Variants in MEFV observed in about 807,000 individuals in gnomAD.
MEFV encodes the protein pyrin.
A neutral mutation model predicts 62.5 loss-of-function variants in MEFV; 60 were observed. The observed-to-expected ratio is 0.96, with a 90% CI of 0.78 to 1.19. The LOEUF is 1.19. MEFV is among the 50% of genes most tolerant of loss of function. The pLI, the probability that MEFV is intolerant of heterozygous loss-of-function variation, is 0.00. For missense variants in MEFV, 1,169 were observed against 1,004.5 expected (o/e 1.16, Z -2.21); for synonymous variants, 500 against 415.2 (o/e 1.20, Z -2.48).
intron 6 of MEFV, among the ~76,000 whole-genome samples, chr16:3,245,642 A>AGAGAG (rs553089553): frequency 6.6e-6 from 1 of 151,324 alleles, no homozygotes; most frequent in Admixed American, 6.6e-5. Context: ...TTCAAAAAAA[A>AGAGAG]AGAGAGAGAG....
intron 2 of MEFV, chr16:3,251,894 T>C (rs1360682187): frequency 7.6e-6 from 2 of 262,812 alleles, no homozygotes; most frequent in Non-Finnish European, 8.2e-6. Context: ...GAAGCGGCCC[T>C]AGAAGACACC....
At chr16:3,246,441 T>TC in intron 6 of MEFV, 84 bp downstream of exon 6, 5 of 1,515,294 alleles carry the variant, frequency 3.3e-6, no homozygotes, top group Non-Finnish European at 3.7e-6. Flanking sequence ...TGGGAACATC[T>TC]CCCTCCCAGG....
Position 3,247,112 on chromosome 16 carries a change from T to C in MEFV, c.1491A>G (p.Ala497=), listed in dbSNP as rs1447199473. ...VGQMVGQIRK[A]YDTRVSQDIA... Reference sequence around the variant, plus strand: ...TGTCCTGGGATACGCGGGTGTCATATGCCTTCCTGATCTGCCCAACCATCT... The same window carrying C: ...TGTCCTGGGATACGCGGGTGTCATACGCCTTCCTGATCTGCCCAACCATCT... The change falls in exon 5 of 10, where the codon GCA becomes GCG. Residue 497 remains alanine (A), a synonymous_variant. Transcript: ENST00000219596. 5.6e-6 allele frequency: 9 copies of C among 1,614,226 alleles called. No individual in the cohort carries two copies. The highest frequency in any genetic ancestry group is 7.6e-6 in the Non-Finnish European group (9 of 1,180,048).
At chr16:3,246,007 G>T (rs541675828) in intron 6 of MEFV, among the ~76,000 whole-genome samples, 1 of 152,290 alleles carries the variant, frequency 6.6e-6, no homozygotes, top group East Asian at 1.9e-4. Context: ...TCTGATACAC[G>T]TTACAACACG....
chr16:3,243,759 A>C (rs1310905281), intron 9 of MEFV, 65 bp from the exon 10 acceptor site: 5 of 1,609,002 alleles, frequency 3.1e-6, no homozygotes, highest in Non-Finnish European at 4.3e-6. Context: ...GGTTCTCCCC[A>C]CCTGCAGGAA....
At chr16:3,248,219 A>C (rs1427353142) in intron 4 of MEFV, among the ~76,000 whole-genome samples, 4 of 151,916 alleles carry the variant, frequency 2.6e-5, no homozygotes, top group African/African-American at 9.7e-5. Context: ...AGATCGTGCC[A>C]CTGTACTCCA....
rs1462255780 is a variant in MEFV, at chr16:3,249,605, C to T, written c.1086G>A (p.Lys362=). Residue 362 remains lysine (K), a synonymous_variant, in exon 3 of 10, where the codon AAG becomes AAA. Transcript: ENST00000219596. Reference sequence around the variant, plus strand: ...GCTGGGGGCTTAGGCTTCCCGGGCTCTTCCTTTCATGGGAGTCCTGGCACC... The same window carrying T: ...GCTGGGGGCTTAGGCTTCCCGGGCTTTTCCTTTCATGGGAGTCCTGGCACC... ...CPRCQDSHER[K]SPGSLSPQPL... is the part of the protein sequence containing the mutation. The T allele has an allele frequency of 6.2e-7, 1 of 1,614,176 alleles. No individual in the cohort carries two copies. Among genetic ancestry groups the T allele is most frequent in the African/African-American group, 1.3e-5 (1 of 75,068 alleles).
rs764300728 is a variant in MEFV, at chr16:3,248,895, AC to A, written c.1356+13del. The A allele has an allele frequency of 1.2e-6, 2 of 1,613,738 alleles. No individual in the cohort carries two copies. Among genetic ancestry groups the A allele is most frequent in the South Asian group, 2.2e-5 (2 of 91,074 alleles). ...CCCAGGGACGGATGGGCCATCAGCCACCTCTGACCTTACCAGAAAGCTCACT... is the reference window on the plus strand; with the variant it reads ...CCCAGGGACGGATGGGCCATCAGCCACTCTGACCTTACCAGAAAGCTCACT... On this transcript the variant is annotated intron_variant, in intron 4 of 9. Coordinates refer to ENST00000219596, the MANE Select transcript of MEFV (RefSeq NM_000243.3).
Position 3,254,333 on chromosome 16 carries a change from G to C in MEFV, c.735C>G (p.Val245=). The change falls in exon 2 of 10, where the codon GTC becomes GTG. Residue 245 remains valine (V), a synonymous_variant. Transcript: ENST00000219596. The stretch of plus-strand genomic sequence containing the variant: ...GCGCCTTCTCCCCTGTAGAAATGGT[G>C]ACCTCAAGGCTTCTAGGTCGCATCT... ...SGKMRPRSLE[V]TISTGEKAPA... is the part of the protein sequence containing the mutation. 1 of 1,614,216 alleles carries C rather than the reference G, an allele frequency of 6.2e-7. No homozygotes were observed. Among genetic ancestry groups the C allele is most frequent in the Non-Finnish European group, 8.5e-7 (1 of 1,180,034 alleles).
At position 3,249,457 on chromosome 16, in the gene MEFV, T is replaced by C. The variant is rs1434076108; in HGVS notation, c.1234A>G (p.Ile412Val). 2.5e-6 allele frequency: 4 copies of C among 1,614,012 alleles called. 1 individual carries two copies. In the Admixed American group the frequency reaches 6.7e-5, roughly 27 times the overall value. Residue 412 changes from isoleucine to valine, a missense_variant, in exon 3 of 10, where the codon ATT becomes GTT. Physicochemically the swap from Ile to Val is conservative, Grantham distance 29. Transcript: ENST00000219596. ...QEHQGHRVRPIEEVALEHKKK... is the reference protein window; with the variant it reads ...QEHQGHRVRPVEEVALEHKKK... ...TTGTGTTCCAGGGCGACCTCCTCAA[T>C]GGGGCGCACCCGGTGGCCTTGGTGC...
chr16:3,243,321 C>T lies in MEFV; in HGVS notation c.2166G>A (p.Val722=), dbSNP rs762351424. The part of the protein sequence containing the change: ...KEPPKRVGIF[V]DYRVGSISFY... ...AGGAGATGCTTCCAACTCTGTAGTCCACGAAGATGCCCACACGCTTGGGAG... is the reference window on the plus strand; with the variant it reads ...AGGAGATGCTTCCAACTCTGTAGTCTACGAAGATGCCCACACGCTTGGGAG... The change falls in exon 10 of 10, where the codon GTG becomes GTA. Residue 722 remains valine, a synonymous_variant. Coordinates refer to ENST00000219596, the MANE Select transcript of MEFV (RefSeq NM_000243.3). 19 of 1,614,048 alleles carry T rather than the reference C, an allele frequency of 1.2e-5. No homozygotes were observed. The Middle Eastern group carries it at 4.9e-4, about 42-fold the overall frequency.
intron 8 of MEFV, 31 bp from the exon 9 acceptor site, chr16:3,243,923 T>C (rs931210912): frequency 1.2e-6 from 2 of 1,612,976 alleles, no homozygotes; most frequent in African/African-American, 2.7e-5. Flanking sequence ...GGGAAAAAAA[T>C]CCTGAGCATT....
chr16:3,256,336 C>G lies in MEFV; in HGVS notation c.252G>C (p.Glu84Asp), dbSNP rs1346006078. ...LRAINQRLLA[E>D]ELHRAAIQEY... ...CCTGAATGGCTGCCCTGTGGAGCTCCTCGGCCAGCAGGCGCTGGTTGATGG... is the reference window on the plus strand; with the variant it reads ...CCTGAATGGCTGCCCTGTGGAGCTCGTCGGCCAGCAGGCGCTGGTTGATGG... The change falls in exon 1 of 10, where the codon GAG becomes GAC. Residue 84 changes from glutamate (E) to aspartate (D), a missense_variant. Coordinates refer to ENST00000219596, the MANE Select transcript of MEFV (RefSeq NM_000243.3). 4 of 1,613,812 alleles carry G rather than the reference C, an allele frequency of 2.5e-6. No individual in the cohort carries two copies. Among genetic ancestry groups the G allele is most frequent in the Non-Finnish European group, 3.4e-6 (4 of 1,180,012 alleles).
chr16:3,243,863 C>T lies in MEFV; in HGVS notation c.1789G>A (p.Ala597Thr). 6.2e-7 allele frequency: 1 copy of T among 1,613,868 alleles called. No individual in the cohort carries two copies. The highest frequency in any genetic ancestry group is 8.5e-7 in the Non-Finnish European group (1 of 1,179,916). The change falls in exon 9 of 10, where the codon GCT becomes ACT. Residue 597 changes from alanine to threonine, a missense_variant. Transcript: ENST00000219596. ...TTGCCTTGATCTGGGCACTTACCAG[C>T]ATGTGCCTGAGCGCCAATCAGCTCC... ...VPELIGAQAH[A>T]VNVILDAETA...
chr16:3,255,529 T>C (rs986718909), intron 1 of MEFV, among the ~76,000 whole-genome samples: 23 of 151,954 alleles, frequency 1.5e-4, no homozygotes, highest in Middle Eastern at 3.2e-3. Flanking sequence ...TTCTGTTTTT[T>C]CAATAGCTGA....
Position 3,246,367 on chromosome 16 carries a change from A to G in MEFV, c.1610+158T>C, listed in dbSNP as rs1958942645. On this transcript the variant is annotated intron_variant, in intron 6 of 9. Coordinates refer to ENST00000219596, the MANE Select transcript of MEFV (RefSeq NM_000243.3). ...TGACCAGATGCCCTTCTCCCTATCA[A>G]ATCCAGAGAGGCTTTGGGAAGCTGC... is the stretch of plus-strand genomic sequence containing the variant. 4 of 812,806 alleles carry G rather than the reference A, an allele frequency of 4.9e-6. No individual in the cohort carries two copies. The East Asian group carries it at 1.1e-4, about 22-fold the overall frequency. The allele number at this position is 812,806 out of a possible 1,614,324, so 50.3% of individuals were successfully genotyped here.
intron 6 of MEFV, 162 bp downstream of exon 6, chr16:3,246,363 A>G (rs1450823046): frequency 2.7e-5 from 21 of 780,336 alleles, no homozygotes; most frequent in Admixed American, 4.6e-5. Flanking sequence ...CCTTCTCCCT[A>G]TCAAATCCAG....
At chr16:3,252,012 T>G in intron 2 of MEFV, 1 of 420,262 alleles carries the variant, frequency 2.4e-6, no homozygotes, top group Non-Finnish European at 4.8e-6. Context: ...AGATCAGGAG[T>G]TCGAGACCAA....
rs780129737 is a variant in MEFV, at chr16:3,254,561, C to T, written c.507G>A (p.Leu169=). ...SKRREKASEG[L]DAQGKPRTRS... ...GGGTCCGAGGCTTGCCCTGCGCGTC[C>T]AGGCCCTCCGAGGCCTTCTCTCTGC... is the stretch of plus-strand genomic sequence containing the variant. The change falls in exon 2 of 10, where the codon CTG becomes CTA. Residue 169 remains leucine, a synonymous_variant. Transcript: ENST00000219596. 2 of 1,566,502 alleles carry T rather than the reference C, an allele frequency of 1.3e-6. No individual in the cohort carries two copies. The highest frequency in any genetic ancestry group is 1.9e-5 in the Admixed American group (1 of 53,600).
Sources: allele counts gnomAD v4.1 joint callset (sites outside exome capture counted in the v4.1 genomes callset), GRCh38; gene constraint gnomAD v4.1.1; transcripts MANE v1.5; gene names NCBI Gene and HGNC (gene_info 2026-07-23, HGNC 2026-07-21).